Variants in MLIP observed in about 807,000 individuals in gnomAD.
MLIP encodes the protein muscular LMNA interacting protein, also known as muscular LMNA-interacting protein.
Under a neutral mutation model 84.8 loss-of-function variants are expected in MLIP, and 79 were observed. That is an observed-to-expected ratio of 0.93 (90% CI 0.78 to 1.12). MLIP has a LOEUF of 1.12. Among genes scored for constraint, MLIP ranks in the 50% most tolerant of loss-of-function variants. The probability of loss-of-function intolerance (pLI) is 0.00; values close to 1 mark genes in which losing one functional copy is unlikely to be tolerated. For synonymous variants in MLIP, 504 were observed against 463.0 expected (o/e 1.09, Z -1.14); for missense variants, 1,257 against 1,160.6 (o/e 1.08, Z -1.21).
chr6:54,218,805 C>G (rs1277912135), intron 11 of MLIP, among the ~76,000 whole-genome samples: 1 of 151,968 alleles, frequency 6.6e-6, no homozygotes, highest in African/African-American at 2.4e-5. Flanking sequence ...TGTGAGCCAC[C>G]ACAACTGGCC....
At chr6:54,241,903 G>A (rs1183078540) in intron 12 of MLIP, among the ~76,000 whole-genome samples, 4 of 152,138 alleles carry the variant, frequency 2.6e-5, no homozygotes, top group Non-Finnish European at 5.9e-5. Context: ...TCTATGTAAA[G>A]AATCACTCCA....
chr6:54,160,533 G>A lies in MLIP; in HGVS notation c.2373G>A (p.Gln791=), dbSNP rs267601078. 6.2e-7 allele frequency: 1 copy of A among 1,612,426 alleles called. No individual in the cohort carries two copies. The highest frequency in any genetic ancestry group is 1.3e-5 in the African/African-American group (1 of 74,814). The change falls in exon 7 of 14, where the codon CAG becomes CAA. Residue 791 remains glutamine (Q), a synonymous_variant. Coordinates refer to ENST00000502396, the MANE Select transcript of MLIP (RefSeq NM_001281747.2). ...EPPVELYFPA[Q]LRQQTEELCA... ...TCTTCCAGCTCTATTTTCCTGCACAGCTCAGGCAGCAAACTGAAGAGCTCT... is the reference window on the plus strand; with the variant it reads ...TCTTCCAGCTCTATTTTCCTGCACAACTCAGGCAGCAAACTGAAGAGCTCT...
rs1764817079 is a variant in MLIP, at chr6:54,042,719, G to A, written c.63+23628G>A. On this transcript the variant is annotated intron_variant, in intron 1 of 12. Coordinates refer to the MLIP transcript ENST00000274897. The stretch of plus-strand genomic sequence containing the variant: ...GAGTCATAAGACTATCATCACCAGG[G>A]ACAATATACCTAATCTCTCCCTCAG... Among the ~76,000 whole-genome samples, 3 of 152,084 alleles carry A rather than the reference G, an allele frequency of 2.0e-5. No homozygotes were observed. In the South Asian group the frequency reaches 6.2e-4, roughly 32 times the overall value.
chr6:54,219,741 CTG>C (rs1220807550), intron 11 of MLIP, among the ~76,000 whole-genome samples: 1 of 152,080 alleles, frequency 6.6e-6, no homozygotes, highest in East Asian at 1.9e-4. Flanking sequence ...CTTTGTAGGT[CTG>C]AATGCTAGAT....
chr6:54,126,540 A>T (rs1324993479), intron 3 of MLIP, among the ~76,000 whole-genome samples: 2 of 152,024 alleles, frequency 1.3e-5, no homozygotes, highest in East Asian at 3.9e-4. Context: ...TGTTTGACCA[A>T]TTACCAATTA....
chr6:54,139,414 C>T lies in MLIP; in HGVS notation c.2217+1128C>T, dbSNP rs72961912. Among the ~76,000 whole-genome samples the T allele has an allele frequency of 5.3e-3, 804 of 152,134 alleles. 4 individuals are homozygous for T. Among genetic ancestry groups the T allele is most frequent in the Non-Finnish European group, 9.0e-3 (609 of 67,978 alleles). ...CCTGTCGGAAATATTTAGGATTTAA[C>T]TTAATGAAGAGGAAAGAAGTTGGCA... On this transcript the variant is annotated intron_variant, in intron 4 of 13. Transcript: ENST00000502396.
rs992629485 is a variant in MLIP, at chr6:54,137,313, C to T, written c.1244C>T (p.Ala415Val). Residue 415 changes from alanine (A) to valine (V), a missense_variant, in exon 4 of 14, where the codon GCC becomes GTC. Physicochemically the swap from Ala to Val is moderately conservative, Grantham distance 64. Coordinates refer to ENST00000502396, the MANE Select transcript of MLIP (RefSeq NM_001281747.2). ...GVKSPVPSRL[A>V]LLTAILKSNP... ...AAATCCCCGGTGCCTTCCCGGCTTGCCCTTCTCACTGCCATTCTCAAGTCA... is the reference window on the plus strand; with the variant it reads ...AAATCCCCGGTGCCTTCCCGGCTTGTCCTTCTCACTGCCATTCTCAAGTCA... The T allele has an allele frequency of 5.2e-6, 8 of 1,536,052 alleles. No individual in the cohort carries two copies. The highest frequency in any genetic ancestry group is 7.0e-6 in the Non-Finnish European group (8 of 1,146,888).
At chr6:54,149,030 T>A in intron 4 of MLIP, 26 bp from the exon 5 acceptor site, 1 of 1,599,434 alleles carries the variant, frequency 6.3e-7, no homozygotes, top group Non-Finnish European at 8.6e-7. Context: ...TCATCTCTAC[T>A]CTTGCTTTCT....
Position 54,138,194 on chromosome 6 carries a change from C to T in MLIP, c.2125C>T (p.Pro709Ser), listed in dbSNP as rs766590819. Residue 709 changes from proline (P) to serine (S), a missense_variant, in exon 4 of 14, where the codon CCA (proline) becomes TCA (serine). Pro to Ser is a moderately conservative substitution (Grantham distance 74). Transcript: ENST00000502396. Reference protein sequence around the residue: ...TPNHRSPVSTPSLPISLTRTE... With the variant: ...TPNHRSPVSTSSLPISLTRTE... ...CAACCACAGGTCACCTGTTTCAACC[C>T]CATCACTTCCCATATCTCTAACAAG... The T allele has an allele frequency of 6.5e-7, 1 of 1,536,120 alleles. No homozygotes were observed. Among genetic ancestry groups the T allele is most frequent in the Non-Finnish European group, 8.7e-7 (1 of 1,146,886 alleles).
intron 12 of MLIP, among the ~76,000 whole-genome samples, chr6:54,240,305 A>T (rs942889828): frequency 6.6e-6 from 1 of 151,788 alleles, no homozygotes; most frequent in African/African-American, 2.4e-5. Flanking sequence ...CATCAGTATA[A>T]CTCCTAGGCC....
At chr6:54,257,182 G>T in intron 12 of MLIP, 126 bp from the exon 13 acceptor site, 1 of 671,870 alleles carries the variant, frequency 1.5e-6, no homozygotes, top group Non-Finnish European at 2.6e-6. Context: ...GTTTATACTT[G>T]GTAGAATCCA....
chr6:54,198,015 C>CATAGT (rs1778418249), intron 10 of MLIP, among the ~76,000 whole-genome samples: 2 of 152,184 alleles, frequency 1.3e-5, no homozygotes, highest in South Asian at 2.1e-4. Context: ...TGTTTTAAAG[C>CATAGT]CTCTCCTTCA....
At chr6:54,225,285 T>A (rs930486478) in intron 11 of MLIP, among the ~76,000 whole-genome samples, 2 of 152,164 alleles carry the variant, frequency 1.3e-5, no homozygotes, top group Admixed American at 1.3e-4. Context: ...TAGGGTATAG[T>A]ATAGCCTATT....
intron 1 of MLIP, among the ~76,000 whole-genome samples, chr6:54,106,189 C>A (rs1439342918): frequency 6.6e-6 from 1 of 152,092 alleles, no homozygotes; most frequent in Non-Finnish European, 1.5e-5. Flanking sequence ...GGAATGGATT[C>A]CTCTCTAGAG....
At position 54,230,920 on chromosome 6, in the gene MLIP, G is replaced by A. The variant is rs974728020; in HGVS notation, c.2922+3G>A. The A allele has an allele frequency of 1.2e-6, 2 of 1,613,692 alleles. No homozygotes were observed. The highest frequency in any genetic ancestry group is 1.7e-5 in the Admixed American group (1 of 60,000). On this transcript the variant is annotated splice_donor_region_variant and intron_variant, in intron 12 of 13. Transcript: ENST00000502396. ...TCAGTCACAACGCATGCAACAAGGT[G>A]AGAACTCCTCCCCAAAATGAGGACT... is the stretch of plus-strand genomic sequence containing the variant.
chr6:54,222,211 T>G (rs950012250), intron 11 of MLIP, among the ~76,000 whole-genome samples: 1 of 152,052 alleles, frequency 6.6e-6, no homozygotes, highest in African/African-American at 2.4e-5. Flanking sequence ...CTATTATTGT[T>G]GTGGTAAGAA....
chr6:54,252,154 T>TATAATATATAACTATAATATATTATAAC (rs1562110024), intron 12 of MLIP, among the ~76,000 whole-genome samples: 4 of 101,704 alleles, frequency 3.9e-5, no homozygotes, highest in African/African-American at 1.4e-4. Context: ...TAATATAACA[T>TATAATATATAACTATAATATATTATAAC]ATAATATATA....
intron 1 of MLIP, among the ~76,000 whole-genome samples, chr6:54,044,266 AC>A (rs1401903579): frequency 6.6e-6 from 1 of 152,202 alleles, no homozygotes; most frequent in African/African-American, 2.4e-5. Flanking sequence ...AAAAGCTGCC[AC>A]AGTTCTTTAA....
intron 4 of MLIP, among the ~76,000 whole-genome samples, chr6:54,139,465 C>A (rs1245164462): frequency 6.6e-6 from 1 of 151,968 alleles, no homozygotes; most frequent in Non-Finnish European, 1.5e-5. Flanking sequence ...ACAATCTGAC[C>A]AAATATACAG....
Sources: gnomAD v4.1 joint callset for allele counts (sites outside exome capture counted in the v4.1 genomes callset) on GRCh38, gnomAD v4.1.1 for gene constraint, MANE v1.5 for transcripts, NCBI Gene and HGNC (gene_info 2026-07-23, HGNC 2026-07-21) for gene names.